The following RNGTT variants were observed in gnomAD, a reference collection of about 807,000 sequenced individuals.
RNGTT encodes RNA guanylyltransferase and 5'-phosphatase.
In RNGTT, 33 loss-of-function variants were observed where a neutral mutation model predicts 79.3. The ratio of observed to expected loss-of-function variants is 0.42; its 90% CI spans 0.32 to 0.56. The LOEUF is 0.56. Among genes scored for constraint, RNGTT ranks in the 20% least tolerant of loss-of-function variants. The probability of loss-of-function intolerance (pLI) is 0.17; values close to 1 mark genes in which losing one functional copy is unlikely to be tolerated. For missense variants in RNGTT, 497 were observed against 739.1 expected, an observed-to-expected ratio of 0.67 and a Z score of 3.80; for synonymous variants, 222 against 235.9, an observed-to-expected ratio of 0.94 and a Z score of 0.54.
At chr6:88,821,418 T>C (rs562568111) in intron 11 of RNGTT, among the ~76,000 whole-genome samples, 15 of 152,200 alleles carry the variant, frequency 9.9e-5, no homozygotes, top group African/African-American at 3.4e-4. Context: ...AAATATGCTA[T>C]GCTAAAAATC....
intron 10 of RNGTT, among the ~76,000 whole-genome samples, chr6:88,845,980 G>A (rs944390918): frequency 2.0e-5 from 3 of 150,986 alleles, no homozygotes; most frequent in Non-Finnish European, 2.9e-5. Context: ...AGTAGAATAA[G>A]TAAGCCCTCT....
At chr6:88,784,372 T>A (rs759811449) in intron 12 of RNGTT, among the ~76,000 whole-genome samples, 1 of 152,112 alleles carries the variant, frequency 6.6e-6, no homozygotes, top group Non-Finnish European at 1.5e-5. Flanking sequence ...TAATACACGT[T>A]AAGTGCTTTG....
In RNGTT at chr6:88,695,399, T is replaced by C. The variant is rs1775627716; in HGVS notation, c.1440-16980A>G. On this transcript the variant is annotated intron_variant, in intron 13 of 15. Transcript: ENST00000369485. ...ACAACATACAAATGGCCAACAGGTA[T>C]ATGAAAAATTGTTCAATATCACTAA... 4.6e-5 allele frequency among the ~76,000 whole-genome samples: 7 copies of C among 152,128 alleles called. No individual in the cohort carries two copies. The South Asian group carries it at 1.5e-3, about 32-fold the overall frequency.
At chr6:88,741,785 AGG>A (rs1269044664) in intron 13 of RNGTT, among the ~76,000 whole-genome samples, 1 of 152,116 alleles carries the variant, frequency 6.6e-6, no homozygotes, top group African/African-American at 2.4e-5. Context: ...GGTAATGGGT[AGG>A]GGGCAGACTT....
rs139357847 is a variant in RNGTT, at chr6:88,626,607, T to G, written c.1507-12212A>C. 3.4e-4 allele frequency among the ~76,000 whole-genome samples: 51 copies of G among 152,188 alleles called. No individual in the cohort carries two copies. In the East Asian group the frequency reaches 9.5e-3, roughly 28 times the overall value. ...TCTTCACTTCCCAAATGCACGTCAT[T>G]CTGACTGCATCATCTCTGCTGTTTG... On this transcript the variant is annotated intron_variant, in intron 14 of 15. Transcript: ENST00000369485.
rs1308271706 is a variant in RNGTT at position 88,877,581 on chromosome 6, C to T, written c.896+12914G>A. On this transcript the variant is annotated intron_variant, in intron 8 of 15. Coordinates refer to ENST00000369485, the MANE Select transcript of RNGTT (RefSeq NM_003800.5). ...AGTTCCATGGTAACCTCAGACGCCA[C>T]ACCAGAATGCAACCCCATATGCTTT... Among the ~76,000 whole-genome samples the T allele has an allele frequency of 2.0e-5, 3 of 152,264 alleles. No homozygotes were observed. The East Asian group carries it at 5.8e-4, about 29-fold the overall frequency.
chr6:88,958,512 A>G (rs775725369), intron 1 of RNGTT, among the ~76,000 whole-genome samples: 33 of 152,222 alleles, frequency 2.2e-4, no homozygotes, highest in Admixed American at 1.3e-3. Flanking sequence ...AGGAACTGAA[A>G]CAAATGAGCA....
At chr6:88,831,566 C>T (rs909757252) in intron 11 of RNGTT, among the ~76,000 whole-genome samples, 1 of 152,156 alleles carries the variant, frequency 6.6e-6, no homozygotes, top group African/African-American at 2.4e-5. Context: ...TCCTATTCAA[C>T]ATAGTATTGA....
At chr6:88,857,519 ATATTT>A (rs1296181009) in intron 8 of RNGTT, among the ~76,000 whole-genome samples, 2 of 152,206 alleles carry the variant, frequency 1.3e-5, no homozygotes, top group Non-Finnish European at 2.9e-5. Flanking sequence ...GTTCATCATA[ATATTT>A]TATAACAGTG....
At chr6:88,744,407 G>A (rs931789735) in intron 13 of RNGTT, among the ~76,000 whole-genome samples, 7 of 151,950 alleles carry the variant, frequency 4.6e-5, no homozygotes, top group South Asian at 2.1e-4. Flanking sequence ...GACTACAGGC[G>A]CGCACCAGCA....
intron 13 of RNGTT, among the ~76,000 whole-genome samples, chr6:88,720,768 GA>G (rs546390026): frequency 1.3e-5 from 2 of 151,844 alleles, no homozygotes; most frequent in South Asian, 4.1e-4. Flanking sequence ...TATTTATAAG[GA>G]AAAAAAGGTA....
chr6:88,696,647 T>A (rs1775683423), intron 13 of RNGTT, among the ~76,000 whole-genome samples: 1 of 144,872 alleles, frequency 6.9e-6, no homozygotes, highest in African/African-American at 2.6e-5. Context: ...ATGTGTAAAG[T>A]GCATTTGTTA....
At chr6:88,946,807 G>A (rs1021960159) in intron 1 of RNGTT, among the ~76,000 whole-genome samples, 51 of 144,708 alleles carry the variant, frequency 3.5e-4, no homozygotes, top group African/African-American at 1.1e-3. Context: ...GGCACGCGCC[G>A]CCACGCCTGA....
At position 88,677,444 on chromosome 6, in the gene RNGTT, A is replaced by G. The variant is rs191991789; in HGVS notation, c.1506+909T>C. On this transcript the variant is annotated intron_variant, in intron 14 of 15. Coordinates refer to ENST00000369485, the MANE Select transcript of RNGTT (RefSeq NM_003800.5). ...AAATTGTACAGTTTATTGTTCTTCA[A>G]TTAGATCTCAAAAAAGCTGTTAAAA... 1.8e-3 allele frequency among the ~76,000 whole-genome samples: 278 copies of G among 152,214 alleles called. 3 individuals carry two copies. The highest frequency in any genetic ancestry group is 6.5e-3 in the African/African-American group (271 of 41,534).
chr6:88,842,835 G>A (rs1025799235), intron 11 of RNGTT, among the ~76,000 whole-genome samples: 1 of 152,120 alleles, frequency 6.6e-6, no homozygotes, highest in Non-Finnish European at 1.5e-5. Flanking sequence ...ACTTTGGGAG[G>A]CTAAGGCAGG....
intron 13 of RNGTT, among the ~76,000 whole-genome samples, chr6:88,767,682 A>G (rs1165097590): frequency 8.7e-6 from 1 of 114,858 alleles, no homozygotes; most frequent in Non-Finnish European, 1.8e-5. Flanking sequence ...TTGTGTCAAA[A>G]AAAAAAAAAA....
intron 13 of RNGTT, among the ~76,000 whole-genome samples, chr6:88,682,967 T>G (rs183099198): frequency 6.6e-6 from 1 of 152,252 alleles, no homozygotes; most frequent in Admixed American, 6.5e-5. Flanking sequence ...TATCAAAACT[T>G]GTAGGTTGCA....
chr6:88,687,245 C>T (rs935459659), intron 13 of RNGTT, among the ~76,000 whole-genome samples: 17 of 152,056 alleles, frequency 1.1e-4, no homozygotes, highest in Admixed American at 2.0e-4. Flanking sequence ...GATACAATTC[C>T]CACTTACCAG....
chr6:88,936,463 G>A (rs1253901314), intron 2 of RNGTT, among the ~76,000 whole-genome samples: 1 of 152,134 alleles, frequency 6.6e-6, no homozygotes, highest in Non-Finnish European at 1.5e-5. Flanking sequence ...AATTCTCAGG[G>A]CAAAAGCTGA....
Sources: gnomAD v4.1 joint callset for allele counts (sites outside exome capture counted in the v4.1 genomes callset) on GRCh38, gnomAD v4.1.1 for gene constraint, MANE v1.5 for transcripts, NCBI Gene and HGNC (gene_info 2026-07-23, HGNC 2026-07-21) for gene names.